RARB: variants seen among roughly 807,000 people sequenced by gnomAD.
The protein encoded by RARB is retinoic acid receptor beta.
Under a neutral mutation model 51.9 loss-of-function variants are expected in RARB, and 17 were observed. The ratio of observed to expected loss-of-function variants is 0.33; its 90% CI spans 0.22 to 0.49. The LOEUF (loss-of-function observed/expected upper bound fraction) is 0.49. Ranked by LOEUF, RARB falls within the 20% of genes least tolerant of loss-of-function variation. The probability of loss-of-function intolerance (pLI) is 0.99; values close to 1 mark genes in which losing one functional copy is unlikely to be tolerated. For missense variants in RARB, 369 were observed against 550.8 expected, an observed-to-expected ratio of 0.67 and a Z score of 3.30; for synonymous variants, 215 against 195.4, an observed-to-expected ratio of 1.10 and a Z score of -0.84.
At chr3:24,869,391 C>T (rs555606336) in intron 2 of RARB, among the ~76,000 whole-genome samples, 1 of 152,172 alleles carries the variant, frequency 6.6e-6, no homozygotes, top group South Asian at 2.1e-4. Flanking sequence ...TAAGACAAAT[C>T]AAATTATGCT....
chr3:24,905,214 G>C (rs1259195470), intron 2 of RARB, among the ~76,000 whole-genome samples: 2 of 152,184 alleles, frequency 1.3e-5, no homozygotes, highest in African/African-American at 2.4e-5. Flanking sequence ...AGATGGTAGA[G>C]TGAATAGCCA....
At chr3:25,417,216 G>C in intron 5 of RARB, among the ~76,000 whole-genome samples, 1 of 145,594 alleles carries the variant, frequency 6.9e-6, no homozygotes, top group East Asian at 2.0e-4. Context: ...AAAAAAAACT[G>C]CTGCCTGTCT....
chr3:24,885,570 A>G (rs1376893067), intron 2 of RARB, among the ~76,000 whole-genome samples: 1 of 152,162 alleles, frequency 6.6e-6, no homozygotes, highest in East Asian at 1.9e-4. Flanking sequence ...GTGTAGCTCT[A>G]AATCACTAAC....
At chr3:25,511,320 G>T (rs1697885804) in intron 3 of RARB, among the ~76,000 whole-genome samples, 1 of 152,028 alleles carries the variant, frequency 6.6e-6, no homozygotes, top group African/African-American at 2.4e-5. Context: ...TTTTAGTAGG[G>T]ACAGGTTTCA....
intron 5 of RARB, among the ~76,000 whole-genome samples, chr3:25,291,541 C>T (rs1703788559): frequency 5.4e-5 from 8 of 146,992 alleles, no homozygotes; most frequent in Admixed American, 4.9e-4. Flanking sequence ...GCAGTTCAGC[C>T]TCAGAGGATA....
chr3:25,549,970 TAG>T (rs1337076931), intron 3 of RARB, among the ~76,000 whole-genome samples: 1 of 152,180 alleles, frequency 6.6e-6, no homozygotes, highest in Non-Finnish European at 1.5e-5. Flanking sequence ...CTGATGATTC[TAG>T]ATGATCTCCA....
chr3:24,897,405 T>G (rs1017638770), intron 2 of RARB, among the ~76,000 whole-genome samples: 3 of 152,202 alleles, frequency 2.0e-5, no homozygotes, highest in African/African-American at 7.2e-5. Context: ...TTTGTCTGAA[T>G]TACACTTTTG....
intron 5 of RARB, among the ~76,000 whole-genome samples, chr3:25,382,575 G>A (rs1706660391): frequency 6.6e-6 from 1 of 152,222 alleles, no homozygotes; most frequent in African/African-American, 2.4e-5. Context: ...GTTTCAGGAG[G>A]CTGGGTGCGG....
chr3:25,318,312 G>A (rs1460147879), intron 5 of RARB, among the ~76,000 whole-genome samples: 1 of 152,096 alleles, frequency 6.6e-6, no homozygotes, highest in African/African-American at 2.4e-5. Flanking sequence ...AGTTATTATT[G>A]CAGTTCCTTG....
intron 5 of RARB, among the ~76,000 whole-genome samples, chr3:25,338,947 G>T (rs114025025): frequency 0.01 from 1,589 of 152,200 alleles, 12 homozygotes; most frequent in Middle Eastern, 0.031. Context: ...GAACAGTTGA[G>T]ATCCATTCTG....
At chr3:25,251,199 T>G (rs1702709779) in intron 5 of RARB, among the ~76,000 whole-genome samples, 2 of 152,114 alleles carry the variant, frequency 1.3e-5, no homozygotes, top group African/African-American at 4.8e-5. Flanking sequence ...GTAGCATGCA[T>G]TACTACTTCA....
intron 5 of RARB, among the ~76,000 whole-genome samples, chr3:25,393,053 G>T (rs1428859899): frequency 6.6e-6 from 1 of 151,982 alleles, no homozygotes; most frequent in Non-Finnish European, 1.5e-5. Context: ...ATTACCTTAA[G>T]GTATGTCCCT....
At chr3:25,405,977 A>G (rs1334651284) in intron 5 of RARB, among the ~76,000 whole-genome samples, 1 of 151,828 alleles carries the variant, frequency 6.6e-6, no homozygotes, top group Non-Finnish European at 1.5e-5. Flanking sequence ...ATTAGTAGCA[A>G]TAATACTGTG....
At chr3:25,130,536 C>A (rs544470848) in intron 3 of RARB, among the ~76,000 whole-genome samples, 1 of 151,854 alleles carries the variant, frequency 6.6e-6, no homozygotes, top group East Asian at 1.9e-4. Flanking sequence ...TATTTACTCT[C>A]TTTCCTTCCT....
In RARB at chr3:25,336,420, A is replaced by G. The variant is rs555800006; in HGVS notation, c.179-124773A>G. On this transcript the variant is annotated intron_variant, in intron 5 of 11. Transcript: ENST00000383772. ...CTTTTAGAGTTCAAGGCACTTGTTAATAAAATGTATTTTATTCATTTAGTA... is the reference window on the plus strand; with the variant it reads ...CTTTTAGAGTTCAAGGCACTTGTTAGTAAAATGTATTTTATTCATTTAGTA... 1.8e-3 allele frequency among the ~76,000 whole-genome samples: 269 copies of G among 152,330 alleles called. 1 individual carries two copies. The highest frequency in any genetic ancestry group is 6.1e-3 in the African/African-American group (252 of 41,586).
exon 3 of RARB, chr3:25,060,143 G>C (rs1354549190): frequency 6.6e-6 from 1 of 151,764 alleles, no homozygotes; most frequent in East Asian, 1.9e-4. Flanking sequence ...GAGTACTGCA[G>C]AGATGAAGTA....
At chr3:25,005,804 T>C (rs999023711) in intron 2 of RARB, among the ~76,000 whole-genome samples, 2 of 152,164 alleles carry the variant, frequency 1.3e-5, no homozygotes, top group African/African-American at 4.8e-5. Flanking sequence ...AACTTTGATA[T>C]GCAAGTCAGA....
intron 5 of RARB, among the ~76,000 whole-genome samples, chr3:25,339,488 G>A (rs767707181): frequency 1.7e-4 from 26 of 152,162 alleles, no homozygotes; most frequent in Middle Eastern, 3.4e-3. Flanking sequence ...GTGGCTGCGC[G>A]GGAGTCTCTG....
At chr3:24,897,831 A>T (rs910029127) in intron 2 of RARB, among the ~76,000 whole-genome samples, 1 of 152,004 alleles carries the variant, frequency 6.6e-6, no homozygotes, top group Non-Finnish European at 1.5e-5. Flanking sequence ...ACTGCCGGAC[A>T]TCTAAGAAAC....
Sources: allele counts gnomAD v4.1 joint callset (sites outside exome capture counted in the v4.1 genomes callset), GRCh38; gene constraint gnomAD v4.1.1; transcripts MANE v1.5; gene names NCBI Gene and HGNC (gene_info 2026-07-23, HGNC 2026-07-21).